Variants in DZIP1 observed in about 807,000 individuals in gnomAD.
DZIP1 encodes cilium assembly protein DZIP1.
A neutral mutation model predicts 107.6 loss-of-function variants in DZIP1; 97 were observed. The ratio of observed to expected loss-of-function variants is 0.90; its 90% confidence interval spans 0.77 to 1.07. The LOEUF is 1.07. Ranked by LOEUF, DZIP1 falls within the 50% of genes least tolerant of loss-of-function variation. DZIP1 has a pLI of 0.00. For synonymous variants in DZIP1, 390 were observed against 386.4 expected, an observed-to-expected ratio of 1.01 and a Z score of -0.11; for missense variants, 1,035 against 1,063.6, an observed-to-expected ratio of 0.97 and a Z score of 0.37.
chr13:95,615,247 T>A (rs527280555), intron 10 of DZIP1, among the ~76,000 whole-genome samples: 1 of 152,310 alleles, frequency 6.6e-6, no homozygotes, highest in South Asian at 2.1e-4. Flanking sequence ...TGTAACTCGC[T>A]TTCTATTCCA....
rs140237555 is a variant in DZIP1 at position 95,588,977 on chromosome 13, A to G, written c.2027+177T>C. 2.0e-4 allele frequency among the ~76,000 whole-genome samples: 31 copies of G among 152,332 alleles called. 1 individual carries two copies. In the East Asian group the frequency reaches 5.6e-3, roughly 27 times the overall value. Reference sequence around the variant, plus strand: ...TGGTTAAGGGCTATTGACTTATGTAATAACTGATAAAGAAACAAAGACATG... The same window carrying G: ...TGGTTAAGGGCTATTGACTTATGTAGTAACTGATAAAGAAACAAAGACATG... On this transcript the variant is annotated intron_variant, in intron 19 of 22. Coordinates refer to ENST00000376829, the MANE Select transcript of DZIP1 (RefSeq NM_198968.4).
chr13:95,603,413 A>G (rs2044679037), intron 14 of DZIP1, among the ~76,000 whole-genome samples: 1 of 151,616 alleles, frequency 6.6e-6, no homozygotes, highest in African/African-American at 2.4e-5. Flanking sequence ...CACAATTTAT[A>G]GACCAAATTA....
At chr13:95,613,382 G>T (rs1004003055) in intron 10 of DZIP1, among the ~76,000 whole-genome samples, 1 of 151,908 alleles carries the variant, frequency 6.6e-6, no homozygotes, top group African/African-American at 2.4e-5. Flanking sequence ...GTGTGGTGGC[G>T]GGCGCCTGTA....
At position 95,619,871 on chromosome 13, in the gene DZIP1, T is replaced by C. The variant is rs1875602193; in HGVS notation, c.1173+14A>G. Reference sequence around the variant, plus strand: ...AAAATGGCCCACTTTAGGCCACTGGTTTCTTAACCTTACCCGACCCTTCTC... The same window carrying C: ...AAAATGGCCCACTTTAGGCCACTGGCTTCTTAACCTTACCCGACCCTTCTC... On this transcript the variant is annotated intron_variant, in intron 10 of 22. Coordinates refer to ENST00000376829, the MANE Select transcript of DZIP1 (RefSeq NM_198968.4). The C allele has an allele frequency of 1.2e-6, 2 of 1,613,042 alleles. No homozygotes were observed. The highest frequency in any genetic ancestry group is 2.7e-5 in the African/African-American group (2 of 74,916).
intron 15 of DZIP1, among the ~76,000 whole-genome samples, chr13:95,594,354 A>G (rs2044387578): frequency 6.6e-6 from 1 of 152,224 alleles, no homozygotes; most frequent in South Asian, 2.1e-4. Context: ...ATATGTATCT[A>G]TAGAAGCATG....
In DZIP1 at chr13:95,619,887, G is replaced by A. The variant is rs201059893; in HGVS notation, c.1171C>T (p.Arg391Trp). 40 of 1,613,446 alleles carry A rather than the reference G, an allele frequency of 2.5e-5. No homozygotes were observed. Among genetic ancestry groups the A allele is most frequent in the South Asian group, 4.4e-5 (4 of 91,044 alleles). ...GGCCACTGGTTTCTTAACCTTACCC[G>A]ACCCTTCTCTTTCTTGTGTTCTTGA... Reference protein sequence around the residue: ...IHQEHKKEKGRLLSHIEKLRT... With the variant: ...IHQEHKKEKGWLLSHIEKLRT... Residue 391 changes from arginine (R) to tryptophan (W), a missense_variant and splice_region_variant, in exon 10 of 23, where the codon CGG (arginine) becomes TGG (tryptophan). Transcript: ENST00000376829.
At chr13:95,619,657 A>G (rs1184612233) in intron 10 of DZIP1, among the ~76,000 whole-genome samples, 2 of 152,100 alleles carry the variant, frequency 1.3e-5, no homozygotes, top group Non-Finnish European at 2.9e-5. Context: ...TTGTCACAGA[A>G]TTTTGAGACC....
intron 16 of DZIP1, 41 bp from the exon 17 acceptor site, chr13:95,590,482 G>C: frequency 4.5e-6 from 7 of 1,563,958 alleles, no homozygotes; most frequent in Non-Finnish European, 3.5e-6. Flanking sequence ...TATCCTGGGA[G>C]GTTTCATTTC....
At chr13:95,588,748 A>G (rs911893363) in intron 19 of DZIP1, among the ~76,000 whole-genome samples, 8 of 152,216 alleles carry the variant, frequency 5.3e-5, no homozygotes, top group African/African-American at 1.9e-4. Context: ...AGGAATATCT[A>G]CTAGGGTCAG....
chr13:95,599,438 A>C lies in DZIP1; in HGVS notation c.1478-14T>G. 1 of 1,608,306 alleles carries C rather than the reference A, an allele frequency of 6.2e-7. No individual in the cohort carries two copies. The highest frequency in any genetic ancestry group is 2.2e-5 in the East Asian group (1 of 44,762). ...AGAATGCCTGTTCTATTAACAAGGA[A>C]AAATAAGAACAGTACAAACAGGACA... On this transcript the variant is annotated splice_polypyrimidine_tract_variant and intron_variant, in intron 14 of 22. Coordinates refer to ENST00000376829, the MANE Select transcript of DZIP1 (RefSeq NM_198968.4).
At chr13:95,639,998 A>ATTTTT (rs71682947) in intron 5 of DZIP1, among the ~76,000 whole-genome samples, 1 of 142,950 alleles carries the variant, frequency 7.0e-6, no homozygotes. Context: ...ATTTTTATTT[A>ATTTTT]TTTTTTTTTT....
intron 5 of DZIP1, among the ~76,000 whole-genome samples, chr13:95,638,844 GACC>G (rs1293128615): frequency 7.2e-5 from 11 of 152,194 alleles, no homozygotes; most frequent in Non-Finnish European, 1.3e-4. Context: ...ATGAGAATGA[GACC>G]ACAATTTCTC....
intron 10 of DZIP1, among the ~76,000 whole-genome samples, chr13:95,617,281 T>C (rs1875227535): frequency 6.6e-6 from 1 of 152,082 alleles, no homozygotes; most frequent in African/African-American, 2.4e-5. Flanking sequence ...ACACTCTAGC[T>C]GGCCTTGAAG....
At chr13:95,601,784 GCCACC>G in intron 14 of DZIP1, among the ~76,000 whole-genome samples, 1 of 152,212 alleles carries the variant, frequency 6.6e-6, no homozygotes, top group South Asian at 2.1e-4. Flanking sequence ...TTCTCCAAAT[GCCACC>G]GCTGTCCACC....
rs2045032778 is a variant in DZIP1, at chr13:95,612,167, T to A, written c.1184A>T (p.His395Leu). Residue 395 changes from histidine (H) to leucine (L), a missense_variant, in exon 11 of 23, where the codon CAT becomes CTT. His to Leu is a moderately conservative substitution (Grantham distance 99). Coordinates refer to ENST00000376829, the MANE Select transcript of DZIP1 (RefSeq NM_198968.4). Reference protein sequence around the residue: ...HKKEKGRLLSHIEKLRTSMID... With the variant: ...HKKEKGRLLSLIEKLRTSMID... ...CATTGAGGTTCGAAGTTTCTCTATA[T>A]GTGACAGGAGCTGAAAAAAAGTTAA... is the stretch of plus-strand genomic sequence containing the variant. 4 of 1,610,688 alleles carry A rather than the reference T, an allele frequency of 2.5e-6. No individual in the cohort carries two copies. The highest frequency in any genetic ancestry group is 1.3e-5 in the African/African-American group (1 of 74,940).
At chr13:95,622,743 A>ATTT (rs5805944) in intron 8 of DZIP1, among the ~76,000 whole-genome samples, 10 of 140,860 alleles carry the variant, frequency 7.1e-5, no homozygotes, top group African/African-American at 1.3e-4. Context: ...AACGAGTCTA[A>ATTT]TTTTTTTTTT....
rs58398816 is a variant in DZIP1, at chr13:95,610,055, A to AGTGTGTGT, written c.1364-550_1364-543dup. Among the ~76,000 whole-genome samples the AGTGTGTGT allele has an allele frequency of 4.9e-3, 534 of 109,242 alleles. 7 individuals carry two copies. The highest frequency in any genetic ancestry group is 0.021 in the East Asian group (81 of 3,858). 71.7% of individuals were successfully genotyped at this position (109,242 alleles called of 152,430 possible). On this transcript the variant is annotated intron_variant, in intron 12 of 22. Coordinates refer to ENST00000376829, the MANE Select transcript of DZIP1 (RefSeq NM_198968.4). ...CTCTTGCCCTGGTCTTGACTGGTTT[A>AGTGTGTGT]GTGTGTGTGTGTGTGTGTGTGTGTG... is the stretch of plus-strand genomic sequence containing the variant.
intron 10 of DZIP1, among the ~76,000 whole-genome samples, chr13:95,617,558 G>A (rs544993432): frequency 6.6e-6 from 1 of 152,256 alleles, no homozygotes; most frequent in Non-Finnish European, 1.5e-5. Flanking sequence ...AGGGGAAGGA[G>A]GTAGCCATGT....
At chr13:95,601,172 G>A (rs143652412) in intron 14 of DZIP1, among the ~76,000 whole-genome samples, 1 of 152,278 alleles carries the variant, frequency 6.6e-6, no homozygotes, top group East Asian at 1.9e-4. Flanking sequence ...GTGTACAGAG[G>A]AAGAGTTCTG....
Sources: gnomAD v4.1 joint callset for allele counts (sites outside exome capture counted in the v4.1 genomes callset) on GRCh38, gnomAD v4.1.1 for gene constraint, MANE v1.5 for transcripts, NCBI Gene and HGNC (gene_info 2026-07-23, HGNC 2026-07-21) for gene names.